The following CREB5 variants were observed in gnomAD, a reference collection of about 807,000 sequenced individuals.
CREB5 encodes cyclic AMP-responsive element-binding protein 5.
A neutral mutation model predicts 57.1 loss-of-function variants in CREB5; 19 were observed. The ratio of observed to expected loss-of-function variants is 0.33; its 90% confidence interval spans 0.23 to 0.49. CREB5 has a LOEUF of 0.49. Ranked by LOEUF, CREB5 falls within the 20% of genes least tolerant of loss-of-function variation. The pLI is 0.99. For synonymous variants in CREB5, 238 were observed against 238.3 expected, an observed-to-expected ratio of 1.00 and a Z score of 0.01; for missense variants, 579 against 671.6, an observed-to-expected ratio of 0.86 and a Z score of 1.52.
chr7:28,541,390 A>G (rs940282011), intron 4 of CREB5, among the ~76,000 whole-genome samples: 1 of 152,162 alleles, frequency 6.6e-6, no homozygotes, highest in African/African-American at 2.4e-5. Context: ...TATCCTGGCC[A>G]GGTGCGGTGG....
At chr7:28,563,155 G>A (rs1795344616) in intron 4 of CREB5, among the ~76,000 whole-genome samples, 1 of 152,120 alleles carries the variant, frequency 6.6e-6, no homozygotes, top group Admixed American at 6.5e-5. Context: ...ATCAGTGTTA[G>A]CCATTATTAA....
At chr7:28,329,500 C>G (rs1262780205) in intron 1 of CREB5, among the ~76,000 whole-genome samples, 1 of 152,222 alleles carries the variant, frequency 6.6e-6, no homozygotes, top group South Asian at 2.1e-4. Flanking sequence ...AATGTAAATT[C>G]AAATTGTAAA....
chr7:28,655,829 T>G (rs1799312551), intron 5 of CREB5, among the ~76,000 whole-genome samples: 1 of 152,214 alleles, frequency 6.6e-6, no homozygotes, highest in Admixed American at 6.5e-5. Flanking sequence ...TTTGTTTATA[T>G]CTTTGTTTGT....
chr7:28,314,473 C>T (rs983782940), intron 1 of CREB5, among the ~76,000 whole-genome samples: 3 of 152,200 alleles, frequency 2.0e-5, no homozygotes, highest in South Asian at 4.1e-4. Context: ...CTTGAAAGCA[C>T]GATGGCTTTG....
intron 5 of CREB5, among the ~76,000 whole-genome samples, chr7:28,594,926 C>T (rs969274490): frequency 5.9e-5 from 9 of 152,138 alleles, no homozygotes; most frequent in Admixed American, 3.3e-4. Context: ...CTCTGAATTT[C>T]ACCTGGTTCA....
At position 28,731,522 on chromosome 7, in the gene CREB5, C is replaced by T. The variant is rs142377298; in HGVS notation, c.702+7190C>T. Among the ~76,000 whole-genome samples the T allele has an allele frequency of 3.7e-3, 565 of 152,212 alleles. 1 individual carries two copies. The highest frequency in any genetic ancestry group is 0.013 in the African/African-American group (544 of 41,536). On this transcript the variant is annotated intron_variant, in intron 7 of 10. Coordinates refer to ENST00000357727, the MANE Select transcript of CREB5 (RefSeq NM_182898.4). ...GGGGATTCTTTTGGCAAAATCGTTT[C>T]TTTTGAGAAAAAAAGGCCTGAAGTT...
At chr7:28,512,698 A>G (rs1792764965) in intron 4 of CREB5, among the ~76,000 whole-genome samples, 2 of 151,838 alleles carry the variant, frequency 1.3e-5, no homozygotes, top group South Asian at 4.2e-4. Context: ...AGGACGGGTA[A>G]TTGAAGGGAC....
chr7:28,307,935 T>C (rs192541057), intron 1 of CREB5, among the ~76,000 whole-genome samples: 1 of 152,324 alleles, frequency 6.6e-6, no homozygotes, highest in Non-Finnish European at 1.5e-5. Flanking sequence ...TAATGATGCA[T>C]GGGAGCTGGT....
chr7:28,421,769 C>CTA (rs151244858), intron 1 of CREB5, among the ~76,000 whole-genome samples: 52,371 of 98,026 alleles, frequency 0.53, 11,063 homozygotes, highest in African/African-American at 0.65. Context: ...TACACACACA[C>CTA]TATATATATA....
intron 3 of CREB5, among the ~76,000 whole-genome samples, chr7:28,495,987 C>T (rs1792024773): frequency 6.6e-6 from 1 of 150,918 alleles, no homozygotes; most frequent in African/African-American, 2.5e-5. Context: ...AGTGCAGGGA[C>T]AGGAGTGAGG....
intron 1 of CREB5, among the ~76,000 whole-genome samples, chr7:28,446,749 G>A (rs1314721799): frequency 1.3e-5 from 2 of 152,128 alleles, no homozygotes; most frequent in Non-Finnish European, 2.9e-5. Context: ...CCGAGATCAC[G>A]CCACTGCACT....
At chr7:28,456,245 T>TTC (rs1554325759) in intron 1 of CREB5, among the ~76,000 whole-genome samples, 13,915 of 152,098 alleles carry the variant, frequency 0.091, 2,162 homozygotes, top group African/African-American at 0.31. Context: ...GATTGATTTT[T>TTC]CCCCCAAAGA....
chr7:28,764,692 C>T (rs1436401284), intron 7 of CREB5, among the ~76,000 whole-genome samples: 1 of 152,214 alleles, frequency 6.6e-6, no homozygotes, highest in Non-Finnish European at 1.5e-5. Context: ...AAATGCTCCT[C>T]TCCATGGATT....
intron 4 of CREB5, among the ~76,000 whole-genome samples, chr7:28,549,977 T>C (rs917733871): frequency 5.9e-5 from 9 of 152,206 alleles, no homozygotes; most frequent in African/African-American, 2.2e-4. Flanking sequence ...TTTTAATACC[T>C]TGGCCTTTGG....
chr7:28,737,561 AT>A (rs1562606541), intron 7 of CREB5, among the ~76,000 whole-genome samples: 8,294 of 131,734 alleles, frequency 0.063, 575 homozygotes, highest in Non-Finnish European at 0.09. Context: ...ATATATATAT[AT>A]ATATATATAT....
chr7:28,433,336 C>T (rs1267501930), intron 1 of CREB5, among the ~76,000 whole-genome samples: 1 of 152,072 alleles, frequency 6.6e-6, no homozygotes, highest in Non-Finnish European at 1.5e-5. Flanking sequence ...GAAATAGTTG[C>T]CAGTTGATTA....
intron 7 of CREB5, among the ~76,000 whole-genome samples, chr7:28,734,627 C>T (rs1803868592): frequency 6.6e-6 from 1 of 152,106 alleles, no homozygotes; most frequent in African/African-American, 2.4e-5. Context: ...AAACTAATTA[C>T]ATCTTTACTT....
chr7:28,333,621 T>A (rs1434562180), intron 1 of CREB5, among the ~76,000 whole-genome samples: 1 of 152,186 alleles, frequency 6.6e-6, no homozygotes, highest in Non-Finnish European at 1.5e-5. Flanking sequence ...ATTTTTAGCT[T>A]CCACAAATAA....
At chr7:28,391,017 C>T (rs1391127518) in intron 1 of CREB5, among the ~76,000 whole-genome samples, 1 of 151,928 alleles carries the variant, frequency 6.6e-6, no homozygotes, top group African/African-American at 2.4e-5. Context: ...ATTTTCAAGT[C>T]TTTGTTGATA....
Sources: allele counts gnomAD v4.1 joint callset (sites outside exome capture counted in the v4.1 genomes callset), GRCh38; gene constraint gnomAD v4.1.1; transcripts MANE v1.5; gene names NCBI Gene and HGNC (gene_info 2026-07-23, HGNC 2026-07-21).